Variants in SETD2 observed in about 807,000 individuals in gnomAD.
SETD2 encodes the protein histone-lysine N-methyltransferase SETD2.
A neutral mutation model predicts 242.1 loss-of-function variants in SETD2; 31 were observed. The ratio of observed to expected loss-of-function variants is 0.13; its 90% CI spans 0.10 to 0.17. The LOEUF (loss-of-function observed/expected upper bound fraction) is 0.17, where lower values mean the gene tolerates loss of function less well. Ranked by LOEUF, SETD2 falls within the 10% of genes least tolerant of loss-of-function variation. The pLI is 1.00. For missense variants in SETD2, 2,481 were observed against 3,046.3 expected (o/e 0.81, Z 4.37); for synonymous variants, 1,006 against 1,066.5 (o/e 0.94, Z 1.11).
Position 47,064,527 on chromosome 3 carries a change from C to A in SETD2, c.6110-2181G>T, listed in dbSNP as rs999518113. ...AAAATGTGACTATTTCTTCACTATA[C>A]CCTGATAAAACAAAAAAGGAATCAT... On this transcript the variant is annotated intron_variant, in intron 13 of 20. Transcript: ENST00000409792. 2.7e-5 allele frequency: 7 copies of A among 263,210 alleles called. No individual in the cohort carries two copies. The East Asian group carries it at 3.6e-4, about 13-fold the overall frequency. 16.3% of individuals were successfully genotyped at this position (263,210 alleles called of 1,614,324 possible).
chr3:47,108,052 G>T (rs2042507601), intron 5 of SETD2, among the ~76,000 whole-genome samples: 1 of 152,072 alleles, frequency 6.6e-6, no homozygotes, highest in Admixed American at 6.5e-5. Context: ...GCCGAGGTGG[G>T]TAGATCACTT....
At position 47,115,554 on chromosome 3, in the gene SETD2, T is replaced by G. The variant is rs192360008; in HGVS notation, c.4586+1069A>C. On this transcript the variant is annotated intron_variant, in intron 4 of 20. Coordinates refer to ENST00000409792, the MANE Select transcript of SETD2 (RefSeq NM_014159.7). The stretch of plus-strand genomic sequence containing the variant: ...CTATAACATGAGCAAAACCAAAAAC[T>G]GAGCTTTGGGGAAAAAAAACCTTCA... Among the ~76,000 whole-genome samples the G allele has an allele frequency of 7.5e-4, 114 of 152,268 alleles. No homozygotes were observed. In the East Asian group the frequency reaches 0.021, roughly 29 times the overall value.
At chr3:47,111,457 C>T (rs927162919) in intron 5 of SETD2, among the ~76,000 whole-genome samples, 1 of 152,116 alleles carries the variant, frequency 6.6e-6, no homozygotes. Context: ...ATAGTCTCAG[C>T]TACTCAGAAG....
At chr3:47,113,487 C>T (rs970042928) in intron 5 of SETD2, among the ~76,000 whole-genome samples, 1 of 152,120 alleles carries the variant, frequency 6.6e-6, no homozygotes, top group Non-Finnish European at 1.5e-5. Context: ...CATTAAACCT[C>T]AGTGTAATAA....
chr3:47,135,838 T>C (rs1177705098), intron 1 of SETD2, among the ~76,000 whole-genome samples: 1 of 152,188 alleles, frequency 6.6e-6, no homozygotes, highest in Non-Finnish European at 1.5e-5. Context: ...TTTCCTCTCC[T>C]CTATCATCAG....
At position 47,164,107 on chromosome 3, in the gene SETD2, GCTCT is replaced by G; in HGVS notation, c.-187_-184del. ...TCCCTCCCTCGGACGCCCGCCAGCCGCTCTCTCCCTCTCACCCTCACACCGGGAG... is the reference window on the plus strand; with the variant it reads ...TCCCTCCCTCGGACGCCCGCCAGCCGCTCCCTCTCACCCTCACACCGGGAG... On this transcript the variant is annotated 5_prime_UTR_variant, in exon 1 of 21. Transcript: ENST00000409792. This position sits in a 1 kb window ranked among gnomAD's most constrained non-coding sequence, Gnocchi z 5.4. 9.4e-7 allele frequency: 1 copy of G among 1,068,868 alleles called. No individual in the cohort carries two copies. The allele number at this position is 1,068,868 out of a possible 1,614,324, so 66.2% of individuals were successfully genotyped here. A position where few individuals can be genotyped will look rare whatever the true frequency, so the allele number is the denominator to read the frequency against.
intron 12 of SETD2, chr3:47,080,747 T>C (rs2041285348): frequency 2.1e-6 from 2 of 971,328 alleles, no homozygotes; most frequent in Non-Finnish European, 2.4e-6. Context: ...TGTGTAAGCC[T>C]TGTGGAGTCA....
chr3:47,097,513 C>A (rs1430080467), intron 9 of SETD2, among the ~76,000 whole-genome samples: 1 of 152,188 alleles, frequency 6.6e-6, no homozygotes, highest in Non-Finnish European at 1.5e-5. Flanking sequence ...GCATCTGTGA[C>A]TACTCCTGTT....
intron 15 of SETD2, among the ~76,000 whole-genome samples, chr3:47,052,098 T>C (rs182743680): frequency 3.3e-5 from 5 of 152,316 alleles, no homozygotes; most frequent in African/African-American, 1.2e-4. Flanking sequence ...ATATACACGT[T>C]TGTTGACACA....
Position 47,016,865 on chromosome 3 carries a change from AC to A in SETD2, c.*227del. On this transcript the variant is annotated 3_prime_UTR_variant, in exon 21 of 21. Transcript: ENST00000409792. ...GCCAGGGTCTTTTCTAAGCCCTTGC[AC>A]CTCTGATGGCTTCTAACCACATGCC... is the stretch of plus-strand genomic sequence containing the variant. The A allele has an allele frequency of 3.8e-6, 2 of 522,650 alleles. No individual in the cohort carries two copies. Among genetic ancestry groups the A allele is most frequent in the African/African-American group, 1.9e-5 (1 of 52,948 alleles). 32.4% of individuals were successfully genotyped at this position (522,650 alleles called of 1,614,324 possible).
chr3:47,101,625 T>A, intron 7 of SETD2, 70 bp from the exon 8 acceptor site: 1 of 847,612 alleles, frequency 1.2e-6, no homozygotes, highest in East Asian at 2.5e-5. Flanking sequence ...TGTGTGTGTG[T>A]GTGTGTGTGC....
chr3:47,022,656 A>C (rs2038284825), intron 18 of SETD2, among the ~76,000 whole-genome samples: 1 of 152,246 alleles, frequency 6.6e-6, no homozygotes, highest in Admixed American at 6.5e-5. Context: ...AGTCAATTAA[A>C]GATTCTGGTG....
In SETD2 at chr3:47,095,337, T is replaced by TGTTG. The variant is rs566884988; in HGVS notation, c.5142+2614_5142+2617dup. Among the ~76,000 whole-genome samples, 17 of 152,184 alleles carry TGTTG rather than the reference T, an allele frequency of 1.1e-4. No homozygotes were observed. In the East Asian group the frequency reaches 3.1e-3, roughly 28 times the overall value. On this transcript the variant is annotated intron_variant, in intron 9 of 20. Coordinates refer to ENST00000409792, the MANE Select transcript of SETD2 (RefSeq NM_014159.7). ...TTTTAGTAGAGACAGGGTTTCACCA[T>TGTTG]GTTGGCCAGGCTGGTCTTGAACTCC...
At chr3:47,154,398 GA>G (rs1426125191) in intron 1 of SETD2, among the ~76,000 whole-genome samples, 1 of 151,904 alleles carries the variant, frequency 6.6e-6, no homozygotes, top group Non-Finnish European at 1.5e-5. Flanking sequence ...AAGAGAGCGA[GA>G]CTCCATATCA....
chr3:47,128,802 C>T (rs1295318489), intron 1 of SETD2, among the ~76,000 whole-genome samples: 2 of 152,040 alleles, frequency 1.3e-5, no homozygotes, highest in Non-Finnish European at 2.9e-5. Flanking sequence ...CACGTCTCAA[C>T]GTTCATAAAA....
intron 16 of SETD2, among the ~76,000 whole-genome samples, chr3:47,044,498 G>C (rs1211500259): frequency 6.7e-6 from 1 of 150,088 alleles, no homozygotes; most frequent in Non-Finnish European, 1.5e-5. Context: ...TTCACTAACT[G>C]TCCTGTCTAA....
At chr3:47,024,330 G>A (rs2038372916) in intron 18 of SETD2, among the ~76,000 whole-genome samples, 1 of 152,204 alleles carries the variant, frequency 6.6e-6, no homozygotes, top group Non-Finnish European at 1.5e-5. Flanking sequence ...AAATTAGCCA[G>A]GCGTGGTGGC....
chr3:47,104,872 A>G (rs951428113), intron 6 of SETD2, among the ~76,000 whole-genome samples: 2 of 152,190 alleles, frequency 1.3e-5, no homozygotes, highest in Admixed American at 1.3e-4. Flanking sequence ...TCTCTGTTTT[A>G]GCCTTCGGTC....
intron 6 of SETD2, among the ~76,000 whole-genome samples, chr3:47,104,722 T>C (rs535140892): frequency 1.7e-4 from 26 of 152,264 alleles, no homozygotes; most frequent in African/African-American, 5.5e-4. Context: ...TACTAAACAA[T>C]AGTTAAGTTC....
Sources: gnomAD v4.1 joint callset for allele counts (sites outside exome capture counted in the v4.1 genomes callset) on GRCh38, gnomAD v4.1.1 for gene constraint, Gnocchi (gnomAD v3.1) non-coding constraint, MANE v1.5 for transcripts, NCBI Gene and HGNC (gene_info 2026-07-23, HGNC 2026-07-21) for gene names.